MAGI1: variants seen among roughly 807,000 people sequenced by gnomAD.
MAGI1 encodes the protein membrane-associated guanylate kinase, WW and PDZ domain-containing protein 1.
In MAGI1, 58 loss-of-function variants were observed where a neutral mutation model predicts 139.9. That is an observed-to-expected ratio of 0.41 (90% CI 0.34 to 0.52). The LOEUF is 0.52. Ranked by LOEUF, MAGI1 falls within the 20% of genes least tolerant of loss-of-function variation. The probability of loss-of-function intolerance (pLI) is 0.12; values close to 1 mark genes in which losing one functional copy is unlikely to be tolerated. For synonymous variants in MAGI1, 812 were observed against 737.9 expected, an observed-to-expected ratio of 1.10 and a Z score of -1.63; for missense variants, 1,874 against 1,901.6, an observed-to-expected ratio of 0.99 and a Z score of 0.27.
intron 1 of MAGI1, among the ~76,000 whole-genome samples, chr3:65,632,042 T>C (rs9822319): frequency 0.11 from 16,560 of 151,166 alleles, 2,385 homozygotes; most frequent in African/African-American, 0.33. Context: ...AAAAAACAGA[T>C]ATTTGCATGT....
chr3:65,645,218 A>C (rs2085195774), intron 1 of MAGI1, among the ~76,000 whole-genome samples: 1 of 152,210 alleles, frequency 6.6e-6, no homozygotes, highest in South Asian at 2.1e-4. Flanking sequence ...AGGTCAGCAA[A>C]CCCAAAATAG....
chr3:65,672,404 T>C (rs1055268488), intron 1 of MAGI1, among the ~76,000 whole-genome samples: 4 of 152,236 alleles, frequency 2.6e-5, no homozygotes, highest in African/African-American at 4.8e-5. Flanking sequence ...GATAAATCGC[T>C]GACAAAGAAG....
chr3:65,846,314 G>A (rs138802666), intron 1 of MAGI1, among the ~76,000 whole-genome samples: 5 of 152,278 alleles, frequency 3.3e-5, no homozygotes, highest in Admixed American at 6.5e-5. Context: ...TATGTAGTGC[G>A]GTCTCAAGTG....
At chr3:65,702,082 T>C (rs2089655796) in intron 1 of MAGI1, among the ~76,000 whole-genome samples, 1 of 152,190 alleles carries the variant, frequency 6.6e-6, no homozygotes, top group Non-Finnish European at 1.5e-5. Flanking sequence ...ACATTTGCTA[T>C]ACTGAAGATG....
chr3:65,940,284 A>C (rs551542957), intron 1 of MAGI1, among the ~76,000 whole-genome samples: 1 of 152,338 alleles, frequency 6.6e-6, no homozygotes, highest in African/African-American at 2.4e-5. Flanking sequence ...GGGATGTTTT[A>C]GTCCGTTCAT....
chr3:65,981,162 A>AAG (rs1253612680), intron 1 of MAGI1, among the ~76,000 whole-genome samples: 4 of 151,648 alleles, frequency 2.6e-5, no homozygotes, highest in Non-Finnish European at 4.4e-5. Flanking sequence ...AAAAAAAAAA[A>AAG]AAAAGAAAAG....
intron 1 of MAGI1, among the ~76,000 whole-genome samples, chr3:65,851,977 A>G (rs2059219793): frequency 6.6e-6 from 1 of 152,216 alleles, no homozygotes; most frequent in Admixed American, 6.5e-5. Flanking sequence ...AGGAATGTGG[A>G]TAAAGGCCAA....
rs200026736 is a variant in MAGI1, at chr3:65,387,162, C to A, written c.2417-3539G>T. 1.9e-6 allele frequency: 3 copies of A among 1,613,980 alleles called. No individual in the cohort carries two copies. In the East Asian group the frequency reaches 6.7e-5, roughly 36 times the overall value. The stretch of plus-strand genomic sequence containing the variant: ...CCTTACTCGGACATTCTCCAAAATT[C>A]GTGGAATTGATTTCTCTCTCTCTCT... On this transcript the variant is annotated intron_variant, in intron 14 of 22. Coordinates refer to ENST00000402939, the MANE Select transcript of MAGI1 (RefSeq NM_001033057.2).
At chr3:65,370,280 T>C (rs1575615870) in intron 18 of MAGI1, among the ~76,000 whole-genome samples, 2 of 151,828 alleles carry the variant, frequency 1.3e-5, no homozygotes, top group South Asian at 2.1e-4. Flanking sequence ...AAAAAAAAAA[T>C]TGAGCATCAC....
At chr3:65,505,469 C>T (rs548142618) in intron 2 of MAGI1, among the ~76,000 whole-genome samples, 1 of 150,930 alleles carries the variant, frequency 6.6e-6, no homozygotes, top group African/African-American at 2.4e-5. Context: ...AATAGTGAAA[C>T]CTTGTCTCTA....
chr3:65,663,188 G>C (rs539639862), intron 1 of MAGI1, among the ~76,000 whole-genome samples: 3 of 152,306 alleles, frequency 2.0e-5, no homozygotes, highest in Non-Finnish European at 2.9e-5. Context: ...TGTGAAGCCT[G>C]GGAAGTGGAA....
chr3:65,516,196 T>C (rs531864562), intron 2 of MAGI1, among the ~76,000 whole-genome samples: 27 of 152,212 alleles, frequency 1.8e-4, no homozygotes, highest in African/African-American at 6.0e-4. Context: ...CTCTCTTTTT[T>C]TTGAGATGGA....
chr3:65,802,874 G>A (rs1379692797), intron 1 of MAGI1, among the ~76,000 whole-genome samples: 1 of 151,680 alleles, frequency 6.6e-6, no homozygotes, highest in Non-Finnish European at 1.5e-5. Flanking sequence ...GTGTGTGTGT[G>A]TGTGTGTGTG....
chr3:65,739,165 G>C (rs2035039711), intron 1 of MAGI1, among the ~76,000 whole-genome samples: 1 of 152,200 alleles, frequency 6.6e-6, no homozygotes, highest in Non-Finnish European at 1.5e-5. Flanking sequence ...CCTTGCTGTA[G>C]CTTCTACAAT....
chr3:65,826,269 G>A (rs2042224128), intron 1 of MAGI1, among the ~76,000 whole-genome samples: 1 of 152,080 alleles, frequency 6.6e-6, no homozygotes, highest in South Asian at 2.1e-4. Context: ...ACAGGTAGGA[G>A]ATCATACTAA....
intron 1 of MAGI1, among the ~76,000 whole-genome samples, chr3:65,627,012 A>G (rs151280785): frequency 1.6e-4 from 24 of 152,330 alleles, no homozygotes; most frequent in Admixed American, 2.0e-4. Context: ...TAGAAAAGAG[A>G]ACATAGGTCA....
At chr3:65,770,709 A>T (rs2037878536) in intron 1 of MAGI1, among the ~76,000 whole-genome samples, 1 of 152,030 alleles carries the variant, frequency 6.6e-6, no homozygotes, top group Admixed American at 6.5e-5. Context: ...ATTTATTTTG[A>T]AGTGGAGTCT....
chr3:65,524,234 C>G (rs141527273), intron 2 of MAGI1, among the ~76,000 whole-genome samples: 1 of 152,106 alleles, frequency 6.6e-6, no homozygotes, highest in Non-Finnish European at 1.5e-5. Flanking sequence ...GCAATACTAC[C>G]CAGTGGAAAA....
chr3:65,839,343 G>A (rs544467481), intron 1 of MAGI1, among the ~76,000 whole-genome samples: 1 of 152,074 alleles, frequency 6.6e-6, no homozygotes, highest in South Asian at 2.1e-4. Context: ...TACGATAAAT[G>A]TTACAGTTAA....
Sources: gnomAD v4.1 joint callset for allele counts (sites outside exome capture counted in the v4.1 genomes callset) on GRCh38, gnomAD v4.1.1 for gene constraint, MANE v1.5 for transcripts, NCBI Gene and HGNC (gene_info 2026-07-23, HGNC 2026-07-21) for gene names.